Variants in CSMD2 observed in about 807,000 individuals in gnomAD.
The protein encoded by CSMD2 is CUB and Sushi multiple domains 2.
CSMD2 carries 130 observed loss-of-function variants against 398.5 expected under a neutral mutation model. The ratio of observed to expected loss-of-function variants is 0.33; its 90% CI spans 0.28 to 0.38. CSMD2 has a LOEUF of 0.38. Among genes scored for constraint, CSMD2 ranks in the 10% least tolerant of loss-of-function variants. The probability of loss-of-function intolerance (pLI) is 1.00; values close to 1 mark genes in which losing one functional copy is unlikely to be tolerated. For missense variants in CSMD2, 3,829 were observed against 4,764.9 expected, an observed-to-expected ratio of 0.80 and a Z score of 5.78; for synonymous variants, 1,828 against 1,908.5, an observed-to-expected ratio of 0.96 and a Z score of 1.10.
At chr1:33,596,725 C>T (rs1639863340) in intron 44 of CSMD2, among the ~76,000 whole-genome samples, 1 of 152,108 alleles carries the variant, frequency 6.6e-6, no homozygotes, top group African/African-American at 2.4e-5. Flanking sequence ...GGAAACTGGC[C>T]CCCATGATTC....
chr1:34,149,975 A>G (rs4653395), intron 1 of CSMD2, among the ~76,000 whole-genome samples: 103,949 of 152,032 alleles, frequency 0.68, 37,620 homozygotes, highest in Admixed American at 0.79. Context: ...ATCAGAAGGT[A>G]AGCAGGAAGA....
chr1:33,975,010 C>T (rs908208324), intron 3 of CSMD2, among the ~76,000 whole-genome samples: 1 of 152,234 alleles, frequency 6.6e-6, no homozygotes, highest in Non-Finnish European at 1.5e-5. Flanking sequence ...CAGTTCACCT[C>T]ACAACACTCT....
At chr1:33,660,328 T>G (rs763294464) in intron 26 of CSMD2, among the ~76,000 whole-genome samples, 14 of 151,168 alleles carry the variant, frequency 9.3e-5, no homozygotes, top group Non-Finnish European at 1.8e-4. Context: ...CCCGCTCACC[T>G]TTTTTTTTGT....
rs147125085 is a variant in CSMD2, at chr1:33,959,602, C to T, written c.518-23648G>A. ...AAAGCAAAGCAGCACAGTTGCTCAC[C>T]CTGCCCCCTCTCCCTCCTGCTGCCC... On this transcript the variant is annotated intron_variant, in intron 3 of 70. Coordinates refer to ENST00000373381, the MANE Select transcript of CSMD2 (RefSeq NM_001281956.2). Among the ~76,000 whole-genome samples the T allele has an allele frequency of 8.1e-3, 1,240 of 152,264 alleles. 12 individuals are homozygous for T. Among genetic ancestry groups the T allele is most frequent in the Non-Finnish European group, 0.011 (776 of 68,018 alleles).
At chr1:33,782,647 G>C (rs1652931358) in intron 12 of CSMD2, among the ~76,000 whole-genome samples, 1 of 152,186 alleles carries the variant, frequency 6.6e-6, no homozygotes, top group African/African-American at 2.4e-5. Flanking sequence ...AGAGGGTGCT[G>C]AGGAGGGTAC....
At chr1:33,540,496 T>C (rs771051531) in intron 60 of CSMD2, 29 bp downstream of exon 60, 2 of 1,612,398 alleles carry the variant, frequency 1.2e-6, no homozygotes, top group Non-Finnish European at 1.7e-6. Flanking sequence ...TTGAAGAGGA[T>C]GCACCAAAGG....
rs558424792 is a variant in CSMD2, at chr1:34,164,553, G to C, written c.187+358C>G. On this transcript the variant is annotated intron_variant, in intron 1 of 70. Coordinates refer to ENST00000373381, the MANE Select transcript of CSMD2 (RefSeq NM_001281956.2). The surrounding 1 kb of genome is among the most constrained non-coding windows in gnomAD (Gnocchi z 6.2). ...GAGTAGGGCTCCCGGAAAGTTTATC[G>C]GGAAAAAGCCTAGCACCGTGGGGGC... 1.2e-4 allele frequency among the ~76,000 whole-genome samples: 19 copies of C among 152,162 alleles called. No individual in the cohort carries two copies. Among genetic ancestry groups the C allele is most frequent in the South Asian group, 8.3e-4 (4 of 4,808 alleles).
intron 25 of CSMD2, among the ~76,000 whole-genome samples, chr1:33,685,660 T>C (rs12023377): frequency 0.12 from 17,911 of 152,276 alleles, 1,151 homozygotes; most frequent in South Asian, 0.22. Context: ...GGCCAGATCC[T>C]GTATTTTCCC....
chr1:34,054,092 C>T (rs80351232), intron 2 of CSMD2, among the ~76,000 whole-genome samples: 2,079 of 152,228 alleles, frequency 0.014, 50 homozygotes, highest in African/African-American at 0.047. Flanking sequence ...ATAACCATGG[C>T]GCATTTGTCA....
At chr1:34,151,007 A>C (rs188742582) in intron 1 of CSMD2, among the ~76,000 whole-genome samples, 178 of 152,262 alleles carry the variant, frequency 1.2e-3, no homozygotes, top group Non-Finnish European at 1.8e-3. Flanking sequence ...TGCAAACTTG[A>C]CATCTCCCAA....
At chr1:34,015,730 A>C (rs1275579269) in intron 3 of CSMD2, among the ~76,000 whole-genome samples, 2 of 152,230 alleles carry the variant, frequency 1.3e-5, no homozygotes, top group Non-Finnish European at 2.9e-5. Flanking sequence ...TTGGAATCAA[A>C]GTCAATGGAA....
Position 33,580,737 on chromosome 1 carries a change from T to C in CSMD2, c.7387+16A>G. 6.2e-7 allele frequency: 1 copy of C among 1,613,934 alleles called. No individual in the cohort carries two copies. The highest frequency in any genetic ancestry group is 8.5e-7 in the Non-Finnish European group (1 of 1,179,882). On this transcript the variant is annotated intron_variant, in intron 48 of 70. Coordinates refer to ENST00000373381, the MANE Select transcript of CSMD2 (RefSeq NM_001281956.2). ...GAGGAGAGGGCCTGTGGCTTATTTG[T>C]GTTTTTTTCACTCACCTGAATAGCG...
chr1:34,091,946 T>C (rs79486716), intron 1 of CSMD2, among the ~76,000 whole-genome samples: 1,794 of 152,268 alleles, frequency 0.012, 31 homozygotes, highest in African/African-American at 0.04. Flanking sequence ...AATTATGGTT[T>C]GTAGATGATA....
At chr1:33,709,866 C>G (rs1302485617) in intron 21 of CSMD2, among the ~76,000 whole-genome samples, 1 of 152,110 alleles carries the variant, frequency 6.6e-6, no homozygotes, top group Non-Finnish European at 1.5e-5. Context: ...GAGACCAAGC[C>G]TCTCTGTGGA....
intron 3 of CSMD2, among the ~76,000 whole-genome samples, chr1:34,012,292 C>A (rs10914839): frequency 0.44 from 66,455 of 151,822 alleles, 14,738 homozygotes; most frequent in East Asian, 0.57. Context: ...TCTTTCACCT[C>A]TTCACACAAA....
At chr1:34,090,307 G>A (rs754110479) in intron 1 of CSMD2, among the ~76,000 whole-genome samples, 1 of 152,154 alleles carries the variant, frequency 6.6e-6, no homozygotes, top group Non-Finnish European at 1.5e-5. Flanking sequence ...GAGCAGCAAT[G>A]CCCTGAGCTT....
At chr1:33,663,240 C>T (rs145918203) in intron 25 of CSMD2, 148 bp from the exon 26 acceptor site, 9 of 642,988 alleles carry the variant, frequency 1.4e-5, no homozygotes, top group African/African-American at 3.6e-5. Flanking sequence ...GAGAAGGCAG[C>T]GTCTGGCAGC....
chr1:33,670,239 G>A (rs900165258), intron 25 of CSMD2, among the ~76,000 whole-genome samples: 1 of 152,122 alleles, frequency 6.6e-6, no homozygotes, highest in Non-Finnish European at 1.5e-5. Context: ...TCCCTGTCTT[G>A]CTGAATCCCT....
At chr1:33,873,105 A>C (rs888855052) in intron 5 of CSMD2, among the ~76,000 whole-genome samples, 1 of 152,216 alleles carries the variant, frequency 6.6e-6, no homozygotes, top group Non-Finnish European at 1.5e-5. Flanking sequence ...CTGTAGTAAC[A>C]GTATTCTAGA....
Sources: gnomAD v4.1 joint callset for allele counts (sites outside exome capture counted in the v4.1 genomes callset) on GRCh38, gnomAD v4.1.1 for gene constraint, Gnocchi (gnomAD v3.1) non-coding constraint, MANE v1.5 for transcripts, NCBI Gene and HGNC (gene_info 2026-07-23, HGNC 2026-07-21) for gene names.